Variants in TCF20 observed in about 807,000 individuals in gnomAD.
TCF20 encodes the protein transcription factor 20.
A neutral mutation model predicts 148.6 loss-of-function variants in TCF20; 3 were observed. The ratio of observed to expected loss-of-function variants is 0.02; its 90% CI spans 0.01 to 0.05. The LOEUF is 0.05. Among genes scored for constraint, TCF20 ranks in the 10% least tolerant of loss-of-function variants. The pLI is 1.00. For missense variants in TCF20, 2,350 were observed against 2,429.3 expected, an observed-to-expected ratio of 0.97 and a Z score of 0.69; for synonymous variants, 1,049 against 909.5, an observed-to-expected ratio of 1.15 and a Z score of -2.76.
At chr22:42,320,772 TA>T (rs1927717784) in intron 1 of TCF20, among the ~76,000 whole-genome samples, 1 of 152,200 alleles carries the variant, frequency 6.6e-6, no homozygotes, top group Admixed American at 6.5e-5. Flanking sequence ...AATCCCCATT[TA>T]TCAGCCAAAT....
intron 2 of TCF20, among the ~76,000 whole-genome samples, chr22:42,188,613 T>C (rs191642424): frequency 1.3e-5 from 2 of 152,338 alleles, no homozygotes; most frequent in Non-Finnish European, 2.9e-5. Context: ...ATCAGGCTGG[T>C]CTTTCCCCTT....
rs1469481917 is a variant in TCF20 at position 42,213,405 on chromosome 22, G to C, written c.1901C>G (p.Ala634Gly). The C allele has an allele frequency of 2.5e-6, 4 of 1,614,016 alleles. No homozygotes were observed. The highest frequency in any genetic ancestry group is 3.4e-6 in the Non-Finnish European group (4 of 1,180,026). ...ACCATTGCTAGGTGGCCTTTGAGTG[G>C]CTGCAGGATCATCCTCTTGGGAGCC... is the stretch of plus-strand genomic sequence containing the variant. ...DKGSQEDDPA[A>G]TQRPPSNGGA... Residue 634 changes from alanine (A) to glycine (G), a missense_variant, in exon 2 of 6, where the codon GCC becomes GGC. This residue lies in a region of TCF20 where 1,641 missense variants were observed against 1,662.6 expected (regional missense o/e 0.99). Transcript: ENST00000677622.
chr22:42,287,689 C>T (rs550063372), upstream of TCF20, among the ~76,000 whole-genome samples: 1 of 152,062 alleles, frequency 6.6e-6, no homozygotes, highest in Non-Finnish European at 1.5e-5. Flanking sequence ...CTGAAAAGCC[C>T]GGTTTCAAAT....
At chr22:42,312,726 A>C (rs1373875429) in intron 1 of TCF20, among the ~76,000 whole-genome samples, 2 of 152,182 alleles carry the variant, frequency 1.3e-5, no homozygotes, top group East Asian at 3.9e-4. Flanking sequence ...CAGGCTCCCC[A>C]TCTGCAAGAT....
chr22:42,211,851 T>TGCC lies in TCF20; in HGVS notation c.3454_3455insGGC (p.Tyr1152delinsTrpHis), dbSNP rs1387530973. 1 of 1,614,194 alleles carries TGCC rather than the reference T, an allele frequency of 6.2e-7. No homozygotes were observed. Among genetic ancestry groups the TGCC allele is most frequent in the South Asian group, 1.1e-5 (1 of 91,084 alleles). On this transcript the variant is annotated protein_altering_variant, in exon 2 of 6. Coordinates refer to ENST00000677622, the MANE Select transcript of TCF20 (RefSeq NM_001378418.1). ...AGCCTCCTGGGCACTGGGGTCATGG[T>TGCC]AAGTCCCCACTGGTGGGCCATACAT...
At position 42,211,390 on chromosome 22, in the gene TCF20, G is replaced by T; in HGVS notation, c.3916C>A (p.Gln1306Lys). 6.2e-7 allele frequency: 1 copy of T among 1,614,192 alleles called. No individual in the cohort carries two copies. Among genetic ancestry groups the T allele is most frequent in the Non-Finnish European group, 8.5e-7 (1 of 1,180,032 alleles). Reference sequence around the variant, plus strand: ...CTCTTAGGGATAGACTTGATATCCTGACTGTGAGAAAGATGGGCATAGGAA... The same window carrying T: ...CTCTTAGGGATAGACTTGATATCCTTACTGTGAGAAAGATGGGCATAGGAA... ...FNSYAHLSHSQDIKSIPKRDS... is the reference protein window; with the variant it reads ...FNSYAHLSHSKDIKSIPKRDS... Residue 1306 changes from glutamine to lysine, a missense_variant, in exon 2 of 6, where the codon CAG (glutamine) becomes AAG (lysine). Gln to Lys is a moderately conservative substitution (Grantham distance 53). This residue lies in a region of TCF20 where 1,641 missense variants were observed against 1,662.6 expected (regional missense o/e 0.99). Coordinates refer to ENST00000677622, the MANE Select transcript of TCF20 (RefSeq NM_001378418.1).
At chr22:42,176,757 G>C (rs1936478437) in intron 3 of TCF20, among the ~76,000 whole-genome samples, 1 of 152,188 alleles carries the variant, frequency 6.6e-6, no homozygotes, top group South Asian at 2.1e-4. Context: ...AAAGTTAAAA[G>C]CTGCATGTTC....
chr22:42,339,833 G>A (rs531920697), intron 1 of TCF20, among the ~76,000 whole-genome samples: 21 of 152,356 alleles, frequency 1.4e-4, no homozygotes, highest in African/African-American at 5.0e-4. Flanking sequence ...GAGCCAGCCT[G>A]ATGCGCAGAC....
At chr22:42,298,081 T>A (rs1376816142) in intron 1 of TCF20, among the ~76,000 whole-genome samples, 2 of 152,206 alleles carry the variant, frequency 1.3e-5, no homozygotes, top group Admixed American at 6.5e-5. Context: ...TTCTCACATG[T>A]CCTGAGAGGG....
At chr22:42,268,065 G>C (rs942828389) in intron 1 of TCF20, among the ~76,000 whole-genome samples, 1 of 152,030 alleles carries the variant, frequency 6.6e-6, no homozygotes. Flanking sequence ...AGAATCACCT[G>C]AAACTGGGAG....
At chr22:42,325,434 C>G (rs1927857635) in intron 1 of TCF20, among the ~76,000 whole-genome samples, 1 of 152,246 alleles carries the variant, frequency 6.6e-6, no homozygotes, top group Non-Finnish European at 1.5e-5. Flanking sequence ...CACAGCAAGA[C>G]CACCCTTTCC....
chr22:42,165,910 G>A (rs1295696464), intron 5 of TCF20, among the ~76,000 whole-genome samples: 1 of 152,172 alleles, frequency 6.6e-6, no homozygotes. Flanking sequence ...AGAACATGGC[G>A]CACTAGGAGG....
chr22:42,207,157 T>C (rs1309809036), intron 2 of TCF20, among the ~76,000 whole-genome samples: 1 of 152,252 alleles, frequency 6.6e-6, no homozygotes, highest in East Asian at 1.9e-4. Context: ...AGTTAGATCC[T>C]TAACCCAGTT....
chr22:42,228,392 T>C (rs996713279), intron 1 of TCF20, among the ~76,000 whole-genome samples: 2 of 152,236 alleles, frequency 1.3e-5, no homozygotes, highest in Non-Finnish European at 2.9e-5. Context: ...CAGCCACTGC[T>C]CCATGTCTTT....
intron 1 of TCF20, among the ~76,000 whole-genome samples, chr22:42,221,770 G>A (rs1330386998): frequency 1.3e-5 from 1 of 77,178 alleles, no homozygotes; most frequent in Non-Finnish European, 2.3e-5. Context: ...ACGGAGTCTC[G>A]TTCTGTTGCC....
intron 1 of TCF20, among the ~76,000 whole-genome samples, chr22:42,243,138 T>C (rs766044306): frequency 4.7e-4 from 71 of 151,750 alleles, no homozygotes; most frequent in Admixed American, 2.2e-3. Flanking sequence ...TAAGACATTA[T>C]GCATTTGTCC....
rs1491280192 is a variant in TCF20, at chr22:42,242,227, A to AAAAAAAAAAT, written c.-36-26887_-36-26886insATTTTTTTTT. ...CAAAAAAAAAAAAAAAAAAAAAAAA[A>AAAAAAAAAAT]CAGAAAAGAAAGGGTGACTACAAGG... On this transcript the variant is annotated intron_variant, in intron 1 of 5. Transcript: ENST00000677622. Among the ~76,000 whole-genome samples, 252 of 122,712 alleles carry AAAAAAAAAAT rather than the reference A, an allele frequency of 2.1e-3. 16 individuals carry two copies. Among genetic ancestry groups the AAAAAAAAAAT allele is most frequent in the African/African-American group, 3.3e-3 (103 of 31,330 alleles). The allele number at this position is 122,712 out of a possible 152,430, so 80.5% of individuals were successfully genotyped here. A position where few individuals can be genotyped will look rare whatever the true frequency, so the allele number is the denominator to read the frequency against.
chr22:42,254,959 C>CAAAAAAAAAAAAAA lies in TCF20; in HGVS notation c.-37+15366_-37+15379dup, dbSNP rs10625678. Among the ~76,000 whole-genome samples, 201 of 62,794 alleles carry CAAAAAAAAAAAAAA rather than the reference C, an allele frequency of 3.2e-3. 25 individuals carry two copies. The highest frequency in any genetic ancestry group is 0.019 in the African/African-American group (197 of 10,440). The allele number at this position is 62,794 out of a possible 152,430, so 41.2% of individuals were successfully genotyped here. ...TGGGTGACACAGCAAGACTCCGTCT[C>CAAAAAAAAAAAAAA]AAAAAAAAAAAAAAAAAAAAGGTAG... On this transcript the variant is annotated intron_variant, in intron 1 of 5. Transcript: ENST00000677622.
intron 5 of TCF20, 148 bp from the exon 6 acceptor site, chr22:42,161,506 C>T: frequency 9.8e-7 from 1 of 1,018,952 alleles, no homozygotes; most frequent in South Asian, 1.5e-5. Context: ...TGGGACACAC[C>T]CGAGACCAAT....
Sources: gnomAD v4.1 joint callset for allele counts (sites outside exome capture counted in the v4.1 genomes callset) on GRCh38, gnomAD v4.1.1 for gene constraint, gnomAD v4.1.1 regional missense constraint, MANE v1.5 for transcripts, NCBI Gene and HGNC (gene_info 2026-07-23, HGNC 2026-07-21) for gene names.